Variants in HIKESHI observed in about 807,000 individuals in gnomAD.
The protein encoded by HIKESHI is protein Hikeshi.
HIKESHI carries 13 observed loss-of-function variants against 25.7 expected under a neutral mutation model. The ratio of observed to expected loss-of-function variants is 0.51; its 90% CI spans 0.33 to 0.80. The LOEUF (loss-of-function observed/expected upper bound fraction) is 0.80. Among genes scored for constraint, HIKESHI ranks in the 30% least tolerant of loss-of-function variants. The pLI, the probability that HIKESHI is intolerant of heterozygous loss-of-function variation, is 0.02. For synonymous variants in HIKESHI, 76 were observed against 78.7 expected (o/e 0.97, Z 0.18); for missense variants, 174 against 229.5 (o/e 0.76, Z 1.56).
intron 2 of HIKESHI, among the ~76,000 whole-genome samples, chr11:86,318,690 G>A (rs1409022561): frequency 6.6e-6 from 1 of 152,018 alleles, no homozygotes; most frequent in African/African-American, 2.4e-5. Flanking sequence ...ATATAGAAAA[G>A]CAGATTTAAG....
At chr11:86,306,978 T>A (rs1946642753) in intron 2 of HIKESHI, among the ~76,000 whole-genome samples, 1 of 148,044 alleles carries the variant, frequency 6.8e-6, no homozygotes, top group Non-Finnish European at 1.5e-5. Context: ...CCAGCCTGGG[T>A]GACAGAGCGA....
chr11:86,317,376 A>C (rs1193151090), intron 2 of HIKESHI, among the ~76,000 whole-genome samples: 1 of 152,172 alleles, frequency 6.6e-6, no homozygotes, highest in Admixed American at 6.5e-5. Flanking sequence ...AGTATTTAAC[A>C]TAAGTATTCC....
intron 3 of HIKESHI, 72 bp downstream of exon 3, chr11:86,337,602 A>T: frequency 7.0e-7 from 1 of 1,435,450 alleles, no homozygotes; most frequent in Non-Finnish European, 9.4e-7. Context: ...ACAAGTTAAA[A>T]TCGTAACTTA....
intron 2 of HIKESHI, among the ~76,000 whole-genome samples, chr11:86,313,115 T>C (rs1483867534): frequency 6.6e-6 from 1 of 152,232 alleles, no homozygotes; most frequent in African/African-American, 2.4e-5. Context: ...TGAGGCATTT[T>C]GTGAAGAAAT....
chr11:86,307,701 C>T (rs1481226227), intron 2 of HIKESHI, among the ~76,000 whole-genome samples: 3 of 87,156 alleles, frequency 3.4e-5, no homozygotes, highest in African/African-American at 9.6e-5. Context: ...GTGTAGTATA[C>T]ATTATATAAA....
intron 2 of HIKESHI, among the ~76,000 whole-genome samples, chr11:86,308,728 C>T (rs1289767414): frequency 1.3e-5 from 2 of 151,930 alleles, no homozygotes; most frequent in Admixed American, 1.3e-4. Context: ...ACTCCCCACA[C>T]CCCACAACAG....
At position 86,345,841 on chromosome 11, in the gene HIKESHI, T is replaced by G. The variant is rs1947856929; in HGVS notation, c.*203T>G. ...TTCATCATTAAAGACTTTTTTCCCC[T>G]TAAGCTTAAAATACCATTCAAAGGC... On this transcript the variant is annotated 3_prime_UTR_variant, in exon 5 of 5. Coordinates refer to ENST00000278483, the MANE Select transcript of HIKESHI (RefSeq NM_016401.4). 1 of 347,070 alleles carries G rather than the reference T, an allele frequency of 2.9e-6. No homozygotes were observed. Among genetic ancestry groups the G allele is most frequent in the Admixed American group, 4.6e-5 (1 of 21,938 alleles). The allele number at this position is 347,070 out of a possible 1,614,324, so 21.5% of individuals were successfully genotyped here. A position where few individuals can be genotyped will look rare whatever the true frequency, so the allele number is the denominator to read the frequency against.
chr11:86,335,027 T>C (rs886375966), intron 2 of HIKESHI, among the ~76,000 whole-genome samples: 3 of 152,184 alleles, frequency 2.0e-5, no homozygotes, highest in Middle Eastern at 3.2e-3. Context: ...ACACTGAATC[T>C]CAGTAAGAAC....
Position 86,305,251 on chromosome 11 carries a change from C to T in HIKESHI, c.31-994C>T, listed in dbSNP as rs187979469. On this transcript the variant is annotated intron_variant, in intron 1 of 4. Coordinates refer to ENST00000278483, the MANE Select transcript of HIKESHI (RefSeq NM_016401.4). ...CTGAGCTCAAGCCAGCTGACTGCCT[C>T]GACCTCCCAAAGTGCTGGGATTACA... 1.3e-4 allele frequency among the ~76,000 whole-genome samples: 19 copies of T among 149,624 alleles called. 1 individual carries two copies. The highest frequency in any genetic ancestry group is 5.3e-4 in the Admixed American group (8 of 15,078).
chr11:86,331,982 CTTTT>C (rs796831448), intron 2 of HIKESHI, among the ~76,000 whole-genome samples: 6 of 129,534 alleles, frequency 4.6e-5, no homozygotes, highest in South Asian at 2.5e-4. Context: ...GTTTTCTTTT[CTTTT>C]TTTTTTTTTT....
chr11:86,328,999 C>T (rs192041941), intron 2 of HIKESHI, among the ~76,000 whole-genome samples: 2 of 150,996 alleles, frequency 1.3e-5, no homozygotes, highest in East Asian at 2.0e-4. Flanking sequence ...CTTAATATTA[C>T]CTCATAATGG....
At chr11:86,343,025 A>G (rs1024862332) in intron 3 of HIKESHI, among the ~76,000 whole-genome samples, 5 of 152,070 alleles carry the variant, frequency 3.3e-5, no homozygotes, top group African/African-American at 1.2e-4. Context: ...ATTTGGGGAG[A>G]ATTGGCCACC....
chr11:86,328,109 C>T (rs757722748), intron 2 of HIKESHI, among the ~76,000 whole-genome samples: 26 of 152,158 alleles, frequency 1.7e-4, no homozygotes, highest in Non-Finnish European at 3.8e-4. Flanking sequence ...CTTAATTTTA[C>T]TGTTAAGGCT....
At chr11:86,338,595 G>A (rs539785467) in intron 3 of HIKESHI, among the ~76,000 whole-genome samples, 86 of 152,310 alleles carry the variant, frequency 5.6e-4, no homozygotes, top group Non-Finnish European at 9.6e-4. Flanking sequence ...CAGAGGAGGA[G>A]TGAATGGATT....
intron 2 of HIKESHI, among the ~76,000 whole-genome samples, chr11:86,311,847 A>T (rs1451081228): frequency 2.6e-5 from 4 of 152,128 alleles, no homozygotes. Context: ...CAGATTGTTC[A>T]ATTTCCTTGT....
chr11:86,312,813 A>G (rs1184039858), intron 2 of HIKESHI, among the ~76,000 whole-genome samples: 1 of 152,166 alleles, frequency 6.6e-6, no homozygotes, highest in Non-Finnish European at 1.5e-5. Flanking sequence ...TCCTTCACTT[A>G]TGAAGCTTAG....
chr11:86,326,974 C>G lies in HIKESHI; in HGVS notation c.269-10405C>G, dbSNP rs61904323. Among the ~76,000 whole-genome samples the G allele has an allele frequency of 5.2e-3, 788 of 152,166 alleles. 1 individual carries two copies. The highest frequency in any genetic ancestry group is 8.8e-3 in the Non-Finnish European group (600 of 67,978). ...GGCATGGTGGCGTGTGCCTATAGTC[C>G]TAACTACTCGGGAGGCTGAAGTGGG... On this transcript the variant is annotated intron_variant, in intron 2 of 4. Coordinates refer to ENST00000278483, the MANE Select transcript of HIKESHI (RefSeq NM_016401.4).
intron 2 of HIKESHI, among the ~76,000 whole-genome samples, chr11:86,328,434 G>GT (rs533776972): frequency 0.051 from 6,720 of 132,880 alleles, 227 homozygotes; most frequent in Middle Eastern, 0.081. Context: ...AATGTTTTTT[G>GT]TTTTTTTTTT....
chr11:86,308,087 CTA>C (rs1440515983), intron 2 of HIKESHI, among the ~76,000 whole-genome samples: 1 of 121,606 alleles, frequency 8.2e-6, no homozygotes, highest in East Asian at 2.3e-4. Context: ...GTAAAATATA[CTA>C]TATAAATATA....
Sources: gnomAD v4.1 joint callset for allele counts (sites outside exome capture counted in the v4.1 genomes callset) on GRCh38, gnomAD v4.1.1 for gene constraint, MANE v1.5 for transcripts, NCBI Gene and HGNC (gene_info 2026-07-23, HGNC 2026-07-21) for gene names.